FRMD3: variants seen among roughly 807,000 people sequenced by gnomAD.
FRMD3 encodes the protein FERM domain-containing protein 3.
FRMD3 carries 33 observed loss-of-function variants against 70.2 expected under a neutral mutation model. The observed-to-expected ratio is 0.47, with a 90% confidence interval of 0.36 to 0.63. FRMD3 has a LOEUF of 0.63. Ranked by LOEUF, FRMD3 falls within the 20% of genes least tolerant of loss-of-function variation. The probability of loss-of-function intolerance (pLI) is 0.00; values close to 1 mark genes in which losing one functional copy is unlikely to be tolerated. For synonymous variants in FRMD3, 279 were observed against 255.9 expected (o/e 1.09, Z -0.86); for missense variants, 632 against 711.4 (o/e 0.89, Z 1.27).
chr9:83,520,219 C>A (rs1169490752), intron 1 of FRMD3, among the ~76,000 whole-genome samples: 2 of 151,714 alleles, frequency 1.3e-5, no homozygotes, highest in South Asian at 2.1e-4. Context: ...CTAATTCCTT[C>A]CCCCCCTGGA....
chr9:83,521,424 C>T (rs533622548), intron 1 of FRMD3, among the ~76,000 whole-genome samples: 2 of 152,172 alleles, frequency 1.3e-5, no homozygotes, highest in Admixed American at 1.3e-4. Flanking sequence ...AATTCAAGGC[C>T]GCAGTGAGCT....
intron 1 of FRMD3, among the ~76,000 whole-genome samples, chr9:83,404,056 C>T (rs2131324612): frequency 7.8e-6 from 1 of 128,968 alleles, no homozygotes; most frequent in South Asian, 2.7e-4. Context: ...GTGGGAATTC[C>T]TGCATACACA....
rs1832150146 is a variant in FRMD3 at position 83,247,267 on chromosome 9, T to C, written c.*651A>G. 2 of 985,210 alleles carry C rather than the reference T, an allele frequency of 2.0e-6. No individual in the cohort carries two copies. Among genetic ancestry groups the C allele is most frequent in the South Asian group, 4.7e-5 (1 of 21,290 alleles). 61.0% of individuals were successfully genotyped at this position (985,210 alleles called of 1,614,324 possible). On this transcript the variant is annotated 3_prime_UTR_variant, in exon 14 of 14. Coordinates refer to ENST00000304195, the MANE Select transcript of FRMD3 (RefSeq NM_174938.6). ...ATGCAGATCATAACAAATTATGGTA[T>C]TGTTCAGCCAAAAATATTTTTAAAA...
At chr9:83,350,775 C>T (rs1824129927) in intron 3 of FRMD3, 1 of 975,690 alleles carries the variant, frequency 1.0e-6, no homozygotes, top group African/African-American at 1.8e-5. Context: ...CTGGAGTGTT[C>T]TAATTTGCCT....
intron 1 of FRMD3, among the ~76,000 whole-genome samples, chr9:83,408,238 T>G (rs528241556): frequency 5.3e-5 from 8 of 152,342 alleles, no homozygotes; most frequent in Admixed American, 4.6e-4. Context: ...GAATAAAAGA[T>G]TCTTCTTTCA....
At chr9:83,307,289 G>A (rs1342036979) in intron 10 of FRMD3, among the ~76,000 whole-genome samples, 2 of 152,172 alleles carry the variant, frequency 1.3e-5, no homozygotes, top group African/African-American at 4.8e-5. Context: ...TAAATATAGA[G>A]TTACCCTATG....
intron 2 of FRMD3, among the ~76,000 whole-genome samples, chr9:83,378,556 ATATATATAAAATATACATATAAAATT>A (rs1825232807): frequency 4.1e-5 from 5 of 122,104 alleles, no homozygotes; most frequent in Non-Finnish European, 6.6e-5. Context: ...TATAAAATTT[ATATATATAAAATATACATATAAAATT>A]TATATATACA....
intron 1 of FRMD3, among the ~76,000 whole-genome samples, chr9:83,491,493 C>G (rs977313335): frequency 6.6e-6 from 1 of 152,178 alleles, no homozygotes; most frequent in Admixed American, 6.5e-5. Flanking sequence ...AGGACACAGG[C>G]AGGCCACAAG....
At chr9:83,539,970 G>A (rs1829979864), upstream of FRMD3, among the ~76,000 whole-genome samples, 2 of 152,322 alleles carry the variant, frequency 1.3e-5, no homozygotes, top group African/African-American at 4.8e-5. Flanking sequence ...GAGGGTATGG[G>A]AAGATGTGGA....
chr9:83,357,227 T>C (rs865974529), intron 3 of FRMD3, among the ~76,000 whole-genome samples: 5 of 11,570 alleles, frequency 4.3e-4, no homozygotes, highest in African/African-American at 2.9e-3. Context: ...ATATATATTT[T>C]ATATATATAT....
chr9:83,506,199 T>G (rs1403938869), intron 1 of FRMD3, among the ~76,000 whole-genome samples: 1 of 152,236 alleles, frequency 6.6e-6, no homozygotes, highest in African/African-American at 2.4e-5. Context: ...GTTTATGATT[T>G]TTTTTTAAAG....
At chr9:83,492,036 T>A (rs1240563680) in intron 1 of FRMD3, among the ~76,000 whole-genome samples, 1 of 152,210 alleles carries the variant, frequency 6.6e-6, no homozygotes, top group Non-Finnish European at 1.5e-5. Context: ...ATATACAATC[T>A]AATTTTGAAT....
intron 10 of FRMD3, 132 bp downstream of exon 10, chr9:83,309,404 C>A: frequency 3.3e-6 from 2 of 606,352 alleles, no homozygotes; most frequent in South Asian, 2.6e-5. Flanking sequence ...GAACAATGCA[C>A]AAAATTTTAA....
chr9:83,554,932 C>T, the FRMD3 span, among the ~76,000 whole-genome samples: 4 of 152,248 alleles, frequency 2.6e-5, no homozygotes, highest in East Asian at 1.9e-4. Context: ...TCTAGAACCT[C>T]GAGGTATCAC....
At chr9:83,408,688 T>C (rs1826195219) in intron 1 of FRMD3, among the ~76,000 whole-genome samples, 1 of 152,236 alleles carries the variant, frequency 6.6e-6, no homozygotes, top group African/African-American at 2.4e-5. Context: ...TAAATTTTAT[T>C]TCTTCTGACT....
At chr9:83,371,953 T>G (rs2183260) in intron 3 of FRMD3, among the ~76,000 whole-genome samples, 62,936 of 151,974 alleles carry the variant, frequency 0.41, 13,244 homozygotes, top group Admixed American at 0.48. Context: ...CATGTTCAGT[T>G]TCTTCCTTCT....
intron 1 of FRMD3, among the ~76,000 whole-genome samples, chr9:83,479,662 AGG>A (rs1564096687): frequency 2.4e-4 from 14 of 57,234 alleles, no homozygotes; most frequent in Middle Eastern, 7.8e-3. Context: ...GAAGGAAGGA[AGG>A]AAGGAAGGAA....
In FRMD3 at chr9:83,247,771, A is replaced by G. The variant is rs2118488934; in HGVS notation, c.*147T>C. On this transcript the variant is annotated 3_prime_UTR_variant, in exon 14 of 14. Coordinates refer to ENST00000304195, the MANE Select transcript of FRMD3 (RefSeq NM_174938.6). Reference sequence around the variant, plus strand: ...TAAACTTATTTAAGTGCAGTGAATTATGGAAAGCTAACTTAAAGGTTTGAA... The same window carrying G: ...TAAACTTATTTAAGTGCAGTGAATTGTGGAAAGCTAACTTAAAGGTTTGAA... 4 of 1,481,642 alleles carry G rather than the reference A, an allele frequency of 2.7e-6. No homozygotes were observed. The highest frequency in any genetic ancestry group is 2.9e-5 in the South Asian group (2 of 68,206). 91.8% of individuals were successfully genotyped at this position (1,481,642 alleles called of 1,614,324 possible). A position where few individuals can be genotyped will look rare whatever the true frequency, so the allele number is the denominator to read the frequency against.
intron 1 of FRMD3, among the ~76,000 whole-genome samples, chr9:83,524,615 T>C (rs775756786): frequency 6.6e-6 from 1 of 152,138 alleles, no homozygotes; most frequent in Non-Finnish European, 1.5e-5. Flanking sequence ...AACAAAATAA[T>C]GGTGGTATTT....
Sources: gnomAD v4.1 joint callset for allele counts (sites outside exome capture counted in the v4.1 genomes callset) on GRCh38, gnomAD v4.1.1 for gene constraint, MANE v1.5 for transcripts, NCBI Gene and HGNC (gene_info 2026-07-23, HGNC 2026-07-21) for gene names.